The following RXFP2 variants were observed in gnomAD, a reference collection of about 807,000 sequenced individuals.
The protein encoded by RXFP2 is relaxin receptor 2.
A neutral mutation model predicts 88.6 loss-of-function variants in RXFP2; 68 were observed. The observed-to-expected ratio is 0.77, with a 90% confidence interval of 0.63 to 0.94. The LOEUF is 0.94. Ranked by LOEUF, RXFP2 falls within the 40% of genes least tolerant of loss-of-function variation. The pLI, the probability that RXFP2 is intolerant of heterozygous loss-of-function variation, is 0.00. For missense variants in RXFP2, 791 were observed against 893.9 expected (o/e 0.88, Z 1.47); for synonymous variants, 329 against 306.8 (o/e 1.07, Z -0.76).
chr13:31,785,917 A>G (rs1566232727), intron 11 of RXFP2, among the ~76,000 whole-genome samples: 1 of 152,240 alleles, frequency 6.6e-6, no homozygotes, highest in African/African-American at 2.4e-5. Context: ...AACTTATTCA[A>G]GATTATCTGG....
intron 17 of RXFP2, among the ~76,000 whole-genome samples, chr13:31,798,795 C>A (rs1241277729): frequency 1.3e-5 from 2 of 152,172 alleles, no homozygotes; most frequent in Non-Finnish European, 2.9e-5. Context: ...GCTGTCCCCC[C>A]AACCTGGATT....
intron 5 of RXFP2, among the ~76,000 whole-genome samples, chr13:31,766,894 C>T (rs1872570946): frequency 6.6e-6 from 1 of 152,134 alleles, no homozygotes; most frequent in African/African-American, 2.4e-5. Flanking sequence ...GTCAATCCCT[C>T]TGGGCCAGTT....
At chr13:31,745,350 T>A (rs936686980) in intron 1 of RXFP2, among the ~76,000 whole-genome samples, 1 of 152,040 alleles carries the variant, frequency 6.6e-6, no homozygotes, top group Admixed American at 6.5e-5. Flanking sequence ...ATCTCAGAGG[T>A]TTTGCCTGTG....
At chr13:31,750,032 T>C (rs1370879608) in intron 1 of RXFP2, among the ~76,000 whole-genome samples, 1 of 152,222 alleles carries the variant, frequency 6.6e-6, no homozygotes, top group African/African-American at 2.4e-5. Context: ...ATTTTTAGTT[T>C]GCATAGTTAT....
chr13:31,763,362 GGT>G (rs1350175314), intron 3 of RXFP2, among the ~76,000 whole-genome samples: 1 of 152,066 alleles, frequency 6.6e-6, no homozygotes, highest in Non-Finnish European at 1.5e-5. Flanking sequence ...TGGGATTACG[GGT>G]GTGAGCCACG....
Position 31,776,051 on chromosome 13 carries a change from T to G in RXFP2, c.641+662T>G, listed in dbSNP as rs1017537807. Among the ~76,000 whole-genome samples the G allele has an allele frequency of 1.9e-3, 257 of 137,958 alleles. 1 individual carries two copies. The highest frequency in any genetic ancestry group is 3.0e-3 in the Non-Finnish European group (189 of 62,732). The allele number at this position is 137,958 out of a possible 152,430, so 90.5% of individuals were successfully genotyped here. On this transcript the variant is annotated intron_variant, in intron 7 of 17. Coordinates refer to ENST00000298386, the MANE Select transcript of RXFP2 (RefSeq NM_130806.5). ...TCCAGGCAACTTTTTCTTTCTTTCC[T>G]TTCTTTCTTCTTCTTTCTTTCTTTC...
rs1367292579 is a variant in RXFP2 at position 31,774,648 on chromosome 13, A to T, written c.526A>T (p.Ile176Leu). Residue 176 changes from isoleucine (I) to leucine (L), a missense_variant, in exon 6 of 18, where the codon ATA becomes TTA. Ile to Leu is a conservative substitution (Grantham distance 5). Transcript: ENST00000298386. ...TCTTCAGCATAATTGCATTAGACAC[A>T]TATCCAGGAAAGCATTTTTTGGATT... ...IFLQHNCIRHISRKAFFGLCN... is the reference protein window; with the variant it reads ...IFLQHNCIRHLSRKAFFGLCN... 2 of 1,561,794 alleles carry T rather than the reference A, an allele frequency of 1.3e-6. No homozygotes were observed. The highest frequency in any genetic ancestry group is 1.8e-6 in the Non-Finnish European group (2 of 1,132,456).
At chr13:31,781,773 G>C in intron 10 of RXFP2, 31 bp downstream of exon 10, 2 of 1,524,514 alleles carry the variant, frequency 1.3e-6, no homozygotes, top group Non-Finnish European at 1.8e-6. Flanking sequence ...ACTAAATGAG[G>C]GGAAACCCTA....
chr13:31,774,049 G>GT (rs1473607730), intron 5 of RXFP2, among the ~76,000 whole-genome samples: 1 of 152,238 alleles, frequency 6.6e-6, no homozygotes, highest in Non-Finnish European at 1.5e-5. Context: ...CAGAGGTTAA[G>GT]TCAGTCCTGA....
At chr13:31,781,599 T>C (rs1873276637) in intron 9 of RXFP2, 72 bp from the exon 10 acceptor site, 3 of 1,103,714 alleles carry the variant, frequency 2.7e-6, no homozygotes, top group Non-Finnish European at 4.1e-6. Context: ...TTGATAACCA[T>C]TTTAAAAAGT....
At chr13:31,782,442 G>C (rs1873328500) in intron 10 of RXFP2, among the ~76,000 whole-genome samples, 1 of 152,202 alleles carries the variant, frequency 6.6e-6, no homozygotes, top group African/African-American at 2.4e-5. Context: ...ACAAAATGCA[G>C]CTTTCTAGAC....
chr13:31,778,866 G>A (rs1838846870), intron 9 of RXFP2, among the ~76,000 whole-genome samples: 2 of 152,182 alleles, frequency 1.3e-5, no homozygotes, highest in South Asian at 4.2e-4. Context: ...TACTCCTACA[G>A]TCAATTCCCT....
intron 16 of RXFP2, among the ~76,000 whole-genome samples, chr13:31,794,405 C>G (rs1449645826): frequency 3.3e-5 from 4 of 120,946 alleles, no homozygotes. Context: ...CACACACACA[C>G]ACACCATGAC....
intron 13 of RXFP2, 135 bp from the exon 14 acceptor site, chr13:31,788,987 G>A (rs1873673143): frequency 4.3e-6 from 3 of 689,768 alleles, no homozygotes; most frequent in Non-Finnish European, 7.8e-6. Context: ...CTAAGATAGT[G>A]TACTGTAAAA....
rs1443603195 is a variant in RXFP2, at chr13:31,739,710, A to G, written c.94+4A>G. The G allele has an allele frequency of 1.3e-6, 2 of 1,576,574 alleles. No homozygotes were observed. Among genetic ancestry groups the G allele is most frequent in the African/African-American group, 1.3e-5 (1 of 74,262 alleles). ...ATCGTTCTGATCAATGTCAAAGGTA[A>G]GGTTGCTACTTTCTCGTTTTAAATG... On this transcript the variant is annotated splice_donor_region_variant and intron_variant, in intron 1 of 17. Transcript: ENST00000298386.
Position 31,802,739 on chromosome 13 carries a change from C to A in RXFP2, c.*334C>A. The A allele has an allele frequency of 3.2e-6, 1 of 308,636 alleles. No individual in the cohort carries two copies. Among genetic ancestry groups the A allele is most frequent in the Non-Finnish European group, 6.2e-6 (1 of 160,530 alleles). The allele number at this position is 308,636 out of a possible 1,614,324, so 19.1% of individuals were successfully genotyped here. A position where few individuals can be genotyped will look rare whatever the true frequency, so the allele number is the denominator to read the frequency against. On this transcript the variant is annotated 3_prime_UTR_variant, in exon 18 of 18. Transcript: ENST00000298386. Reference sequence around the variant, plus strand: ...GTTGGCACTGTGTGGTCTTTCACATCGGGTTGCACTGTCCATGAAATAGAA... The same window carrying A: ...GTTGGCACTGTGTGGTCTTTCACATAGGGTTGCACTGTCCATGAAATAGAA...
rs190687104 is a variant in RXFP2, at chr13:31,786,263, T to C, written c.930-120T>C. ...CCCTGTTGTGTAACAAGTTATCAGG[T>C]TGGTTAAATTGGATTCATATTTTCT... is the stretch of plus-strand genomic sequence containing the variant. On this transcript the variant is annotated intron_variant, in intron 11 of 17. Transcript: ENST00000298386. 8.9e-6 allele frequency: 7 copies of C among 789,344 alleles called. No individual in the cohort carries two copies. The East Asian group carries it at 1.6e-4, about 18-fold the overall frequency. 48.9% of individuals were successfully genotyped at this position (789,344 alleles called of 1,614,324 possible).
At chr13:31,764,002 T>C (rs1872426035) in intron 3 of RXFP2, among the ~76,000 whole-genome samples, 1 of 152,132 alleles carries the variant, frequency 6.6e-6, no homozygotes, top group Non-Finnish European at 1.5e-5. Context: ...TAAAATTCAG[T>C]AAAATTTATT....
chr13:31,778,508 A>G lies in RXFP2; in HGVS notation c.714-4A>G. ...TTTCTAATTAACATTTTCTTTGTGTAAAGGTCTATGGTTAATAACTACTTA... is the reference window on the plus strand; with the variant it reads ...TTTCTAATTAACATTTTCTTTGTGTGAAGGTCTATGGTTAATAACTACTTA... On this transcript the variant is annotated splice_polypyrimidine_tract_variant and splice_region_variant and intron_variant, in intron 8 of 17. Transcript: ENST00000298386. 6.3e-7 allele frequency: 1 copy of G among 1,591,856 alleles called. No homozygotes were observed.
Sources: allele counts gnomAD v4.1 joint callset (sites outside exome capture counted in the v4.1 genomes callset), GRCh38; gene constraint gnomAD v4.1.1; transcripts MANE v1.5; gene names NCBI Gene and HGNC (gene_info 2026-07-23, HGNC 2026-07-21).